ZMYM4: variants seen among roughly 807,000 people sequenced by gnomAD.
ZMYM4 encodes zinc finger MYM-type protein 4.
ZMYM4 carries 31 observed loss-of-function variants against 183.2 expected under a neutral mutation model. That is an observed-to-expected ratio of 0.17 (90% CI 0.13 to 0.23). The LOEUF is 0.23. Ranked by LOEUF, ZMYM4 falls within the 10% of genes least tolerant of loss-of-function variation. The pLI, the probability that ZMYM4 is intolerant of heterozygous loss-of-function variation, is 1.00. For missense variants in ZMYM4, 1,273 were observed against 1,840.3 expected, an observed-to-expected ratio of 0.69 and a Z score of 5.64; for synonymous variants, 592 against 631.2, an observed-to-expected ratio of 0.94 and a Z score of 0.93.
chr1:35,356,055 C>T (rs1005278065), intron 2 of ZMYM4, among the ~76,000 whole-genome samples: 1 of 152,018 alleles, frequency 6.6e-6, no homozygotes, highest in African/African-American at 2.4e-5. Context: ...ACAAAAAATA[C>T]AAAGATTAGC....
chr1:35,355,072 C>T (rs986140892), intron 2 of ZMYM4, among the ~76,000 whole-genome samples: 5 of 151,846 alleles, frequency 3.3e-5, no homozygotes, highest in South Asian at 2.1e-4. Context: ...GTCTAACTGT[C>T]GCCCAGGCTG....
intron 1 of ZMYM4, among the ~76,000 whole-genome samples, chr1:35,296,857 T>C (rs1641043350): frequency 6.9e-6 from 1 of 145,260 alleles, no homozygotes. Context: ...TTTTTTTTTT[T>C]TTTTTTTTGA....
chr1:35,370,408 C>T lies in ZMYM4; in HGVS notation c.962C>T (p.Ala321Val), dbSNP rs188028902. Residue 321 changes from alanine (A) to valine (V), a missense_variant, in exon 7 of 30, where the codon GCG becomes GTG. By Grantham distance (64) the Ala-to-Val change is moderately conservative. Coordinates refer to ENST00000314607, the MANE Select transcript of ZMYM4 (RefSeq NM_005095.3). ...QLTTGFQPSLASSGMNKMLPS... is the reference protein window; with the variant it reads ...QLTTGFQPSLVSSGMNKMLPS... Reference sequence around the variant, plus strand: ...ACTACTGGCTTTCAGCCCTCACTGGCGTCATCTGGCATGAATAAAATGCTT... The same window carrying T: ...ACTACTGGCTTTCAGCCCTCACTGGTGTCATCTGGCATGAATAAAATGCTT... The T allele has an allele frequency of 4.0e-6, 6 of 1,505,802 alleles. No individual in the cohort carries two copies. Among genetic ancestry groups the T allele is most frequent in the South Asian group, 1.1e-5 (1 of 89,058 alleles). The allele number at this position is 1,505,802 out of a possible 1,614,324, so 93.3% of individuals were successfully genotyped here.
chr1:35,367,024 C>CAAA (rs1213113614), intron 5 of ZMYM4, among the ~76,000 whole-genome samples: 2 of 82,880 alleles, frequency 2.4e-5, no homozygotes, highest in African/African-American at 3.9e-5. Context: ...AACTCCATCT[C>CAAA]AAAAAAAAAA....
rs200769721 is a variant in ZMYM4, at chr1:35,398,855, A to C, written c.3254-9A>C. On this transcript the variant is annotated splice_polypyrimidine_tract_variant and intron_variant, in intron 21 of 29. Coordinates refer to ENST00000314607, the MANE Select transcript of ZMYM4 (RefSeq NM_005095.3). ...TTTTGAGGGCTTAATTGTTATCTATATATTTCAGACCAAGGAAGTACATAC... is the reference window on the plus strand; with the variant it reads ...TTTTGAGGGCTTAATTGTTATCTATCTATTTCAGACCAAGGAAGTACATAC... The C allele has an allele frequency of 1.1e-5, 18 of 1,613,456 alleles. No individual in the cohort carries two copies. In the East Asian group the frequency reaches 4.0e-4, roughly 36 times the overall value.
In ZMYM4 at chr1:35,312,085, A is replaced by G. The variant is rs368694536; in HGVS notation, c.40-13275A>G. Among the ~76,000 whole-genome samples the G allele has an allele frequency of 9.5e-4, 145 of 152,062 alleles. 1 individual carries two copies. The highest frequency in any genetic ancestry group is 3.4e-3 in the African/African-American group (139 of 41,492). The stretch of plus-strand genomic sequence containing the variant: ...TTTCTTTTGGCATCCATGGTTTCTG[A>G]TGGAAAGTCTGTAGTTATAAGTAAT... On this transcript the variant is annotated intron_variant, in intron 1 of 29. Coordinates refer to ENST00000314607, the MANE Select transcript of ZMYM4 (RefSeq NM_005095.3).
Position 35,415,511 on chromosome 1 carries a change from A to G in ZMYM4, c.4106A>G (p.Lys1369Arg). 1 of 1,614,210 alleles carries G rather than the reference A, an allele frequency of 6.2e-7. No homozygotes were observed. Among genetic ancestry groups the G allele is most frequent in the African/African-American group, 1.3e-5 (1 of 75,056 alleles). ...RIEEEHLWEC[K>R]QLGAYSPIVL... is the part of the protein sequence containing the mutation. ...GAGGAAGAGCATTTGTGGGAGTGCA[A>G]ACAGCTGGGCGCTTACTCACCAATC... Residue 1369 changes from lysine (K) to arginine (R), a missense_variant, in exon 28 of 30, where the codon AAA (lysine) becomes AGA (arginine). By Grantham distance (26) the Lys-to-Arg change is conservative. Around this residue, in one of 6 missense-constraint regions of ZMYM4, gnomAD observed 145 missense variants for 331.6 expected, o/e 0.44. Coordinates refer to ENST00000314607, the MANE Select transcript of ZMYM4 (RefSeq NM_005095.3).
rs752555084 is a variant in ZMYM4 at position 35,393,754 on chromosome 1, C to T, written c.2911+15C>T. 6.4e-7 allele frequency: 1 copy of T among 1,563,276 alleles called. No individual in the cohort carries two copies. The highest frequency in any genetic ancestry group is 2.3e-5 in the East Asian group (1 of 43,496). ...ATGCCAGACAGGTATGTTCCTTGGT[C>T]TTTCTTTCTTTATTAATTTTTTAAG... On this transcript the variant is annotated intron_variant, in intron 18 of 29. Transcript: ENST00000314607.
intron 5 of ZMYM4, among the ~76,000 whole-genome samples, 153 bp downstream of exon 5, chr1:35,361,942 G>T (rs1206122201): frequency 6.6e-6 from 1 of 152,166 alleles, no homozygotes; most frequent in Non-Finnish European, 1.5e-5. Context: ...ACCATATAAG[G>T]CATTAACGAG....
chr1:35,392,945 T>C (rs1450363354), intron 17 of ZMYM4, among the ~76,000 whole-genome samples: 1 of 152,214 alleles, frequency 6.6e-6, no homozygotes, highest in African/African-American at 2.4e-5. Context: ...TGTACAGGAT[T>C]TAGGCCTGAA....
chr1:35,358,479 C>G (rs1643877514), intron 2 of ZMYM4, among the ~76,000 whole-genome samples: 1 of 152,032 alleles, frequency 6.6e-6, no homozygotes, highest in Admixed American at 6.6e-5. Flanking sequence ...TTTTATATTC[C>G]CTTCTATTTG....
At chr1:35,301,453 G>A (rs1360329458) in intron 1 of ZMYM4, among the ~76,000 whole-genome samples, 3 of 151,982 alleles carry the variant, frequency 2.0e-5, no homozygotes, top group Non-Finnish European at 2.9e-5. Context: ...GACTGAGACA[G>A]GAGGATCGCT....
Position 35,293,659 on chromosome 1 carries a change from G to A in ZMYM4, c.39+24574G>A, listed in dbSNP as rs114731095. Among the ~76,000 whole-genome samples the A allele has an allele frequency of 4.6e-3, 695 of 152,168 alleles. 4 individuals carry two copies. The highest frequency in any genetic ancestry group is 7.8e-3 in the Non-Finnish European group (528 of 67,992). ...AATGGATTAAATGGAAATACAGATA[G>A]TGTCTAATTCTGTTTCAGTAGGTTT... On this transcript the variant is annotated intron_variant, in intron 1 of 29. Transcript: ENST00000314607.
chr1:35,406,869 T>C (rs1645011567), intron 25 of ZMYM4, among the ~76,000 whole-genome samples: 1 of 152,190 alleles, frequency 6.6e-6, no homozygotes, highest in South Asian at 2.1e-4. Flanking sequence ...GATCAACATG[T>C]TGTAGTAGGA....
chr1:35,381,502 G>C (rs7515563), intron 8 of ZMYM4, 44 bp from the exon 9 acceptor site: 43,005 of 1,610,920 alleles, frequency 0.027, 678 homozygotes, highest in Middle Eastern at 0.036. Flanking sequence ...AGCTTTTGAT[G>C]CTCTCTGCTC....
chr1:35,365,731 A>C (rs988650236), intron 5 of ZMYM4, among the ~76,000 whole-genome samples: 1 of 152,164 alleles, frequency 6.6e-6, no homozygotes, highest in Non-Finnish European at 1.5e-5. Context: ...GTGTTTTGGC[A>C]TGTGTTTTTC....
chr1:35,284,512 AG>A (rs1306155387), intron 1 of ZMYM4, among the ~76,000 whole-genome samples: 1 of 152,200 alleles, frequency 6.6e-6, no homozygotes, highest in East Asian at 1.9e-4. Flanking sequence ...ATGAATATCC[AG>A]GTTTCATAGC....
At chr1:35,308,868 AAAAG>A in intron 1 of ZMYM4, 1 of 660,210 alleles carries the variant, frequency 1.5e-6, no homozygotes, top group Non-Finnish European at 1.9e-6. Flanking sequence ...CTCAGAAAAC[AAAAG>A]AAAGTGGATG....
In ZMYM4 at chr1:35,359,110, G is replaced by T. The variant is rs1245261667; in HGVS notation, c.271G>T (p.Asp91Tyr). 1.2e-6 allele frequency: 2 copies of T among 1,613,762 alleles called. No individual in the cohort carries two copies. ...TCCAGTCGTTGGTAGTGACAATGAG[G>T]ATGAACAGGATTTTAGTTCAAAGGA... is the stretch of plus-strand genomic sequence containing the variant. Reference protein sequence around the residue: ...GIPVVGSDNEDEQDFSSKDNL... With the variant: ...GIPVVGSDNEYEQDFSSKDNL... The change falls in exon 3 of 30, where the codon GAT becomes TAT. Residue 91 changes from aspartate to tyrosine, a missense_variant. Physicochemically the swap from Asp to Tyr is radical, Grantham distance 160. Around this residue, in one of 6 missense-constraint regions of ZMYM4, gnomAD observed 384 missense variants for 465.6 expected, o/e 0.82. Coordinates refer to ENST00000314607, the MANE Select transcript of ZMYM4 (RefSeq NM_005095.3).
Sources: allele counts gnomAD v4.1 joint callset (sites outside exome capture counted in the v4.1 genomes callset), GRCh38; gene constraint gnomAD v4.1.1; regional missense constraint gnomAD v4.1.1; transcripts MANE v1.5; gene names NCBI Gene and HGNC (gene_info 2026-07-23, HGNC 2026-07-21).